Variants in RGS6 observed in about 807,000 individuals in gnomAD.
RGS6 encodes regulator of G-protein signaling 6.
In RGS6, 30 loss-of-function variants were observed where a neutral mutation model predicts 78.5. The ratio of observed to expected loss-of-function variants is 0.38; its 90% CI spans 0.29 to 0.52. The LOEUF (loss-of-function observed/expected upper bound fraction) is 0.52. Ranked by LOEUF, RGS6 falls within the 20% of genes least tolerant of loss-of-function variation. RGS6 has a pLI of 0.85. For synonymous variants in RGS6, 206 were observed against 206.0 expected (o/e 1.00, Z 0.00); for missense variants, 495 against 609.7 (o/e 0.81, Z 1.98).
chr14:72,300,800 G>T lies in RGS6; in HGVS notation c.85-51295G>T, dbSNP rs1014978744. On this transcript the variant is annotated intron_variant, in intron 2 of 17. Coordinates refer to ENST00000553525, the MANE Select transcript of RGS6 (RefSeq NM_001204424.2). ...GTCAAAAGGAGCTGAAGTGTATACC[G>T]TTTCTTTGACTTCTTCTGTGAGTCA... 3.3e-5 allele frequency among the ~76,000 whole-genome samples: 5 copies of T among 152,140 alleles called. No individual in the cohort carries two copies. The East Asian group carries it at 9.6e-4, about 29-fold the overall frequency.
chr14:72,397,720 T>G (rs2091659380), intron 3 of RGS6, among the ~76,000 whole-genome samples: 1 of 152,350 alleles, frequency 6.6e-6, no homozygotes, highest in East Asian at 1.9e-4. Flanking sequence ...TTGAGATACA[T>G]CCCATCAATA....
intron 17 of RGS6, chr14:72,547,376 C>CG: frequency 3.5e-6 from 5 of 1,433,526 alleles, no homozygotes; most frequent in Admixed American, 4.1e-5. Flanking sequence ...AAGTAAGACC[C>CG]CCCCCCGACC....
At chr14:72,095,974 A>C (rs192159010) in intron 2 of RGS6, among the ~76,000 whole-genome samples, 53 of 152,354 alleles carry the variant, frequency 3.5e-4, no homozygotes, top group African/African-American at 1.3e-3. Context: ...GGAACCTTAA[A>C]AATAATGAGG....
intron 14 of RGS6, among the ~76,000 whole-genome samples, chr14:72,515,407 T>C (rs1041125491): frequency 6.6e-6 from 1 of 152,280 alleles, no homozygotes; most frequent in African/African-American, 2.4e-5. Flanking sequence ...GGCTCACGCC[T>C]GTCATCCCAG....
chr14:72,264,841 T>G (rs2058767321), intron 2 of RGS6, among the ~76,000 whole-genome samples: 1 of 152,168 alleles, frequency 6.6e-6, no homozygotes, highest in African/African-American at 2.4e-5. Flanking sequence ...TCACGATATC[T>G]CAGTTATCCC....
chr14:72,596,378 A>C, the RGS6 span, among the ~76,000 whole-genome samples: 2 of 152,128 alleles, frequency 1.3e-5, no homozygotes, highest in African/African-American at 4.8e-5. Context: ...ATCCAGGTTA[A>C]TCTTCCTATC....
At chr14:72,619,152 G>T in the RGS6 span, 3 of 774,490 alleles carry the variant, frequency 3.9e-6, no homozygotes, top group Non-Finnish European at 6.0e-6. Flanking sequence ...CACCCTCTTC[G>T]TTCCATGTGT....
Position 72,395,494 on chromosome 14 carries a change from A to T in RGS6, c.184+43300A>T, listed in dbSNP as rs535546965. Among the ~76,000 whole-genome samples, 3 of 152,242 alleles carry T rather than the reference A, an allele frequency of 2.0e-5. No homozygotes were observed. In the South Asian group the frequency reaches 6.2e-4, roughly 32 times the overall value. On this transcript the variant is annotated intron_variant, in intron 3 of 17. Coordinates refer to ENST00000553525, the MANE Select transcript of RGS6 (RefSeq NM_001204424.2). The stretch of plus-strand genomic sequence containing the variant: ...AATGAAACTAAAGTAACACGAGAGG[A>T]ATTCTGACCCTCATATAATTTTTTT...
At chr14:72,602,319 T>C in the RGS6 span, among the ~76,000 whole-genome samples, 1 of 152,132 alleles carries the variant, frequency 6.6e-6, no homozygotes, top group Non-Finnish European at 1.5e-5. Context: ...GACGAGAGGA[T>C]GGTAGGAGAA....
intron 3 of RGS6, among the ~76,000 whole-genome samples, chr14:72,404,842 C>T (rs1436054262): frequency 6.6e-6 from 1 of 152,104 alleles, no homozygotes; most frequent in Non-Finnish European, 1.5e-5. Flanking sequence ...GAAGTGCTGG[C>T]TTAGGTGGTG....
chr14:71,993,026 G>A (rs980399035), intron 2 of RGS6, among the ~76,000 whole-genome samples: 1 of 152,152 alleles, frequency 6.6e-6, no homozygotes, highest in African/African-American at 2.4e-5. Context: ...GCTACATGAC[G>A]TGTTATGAAC....
At chr14:72,064,722 T>C (rs1162905296) in intron 2 of RGS6, among the ~76,000 whole-genome samples, 1 of 152,214 alleles carries the variant, frequency 6.6e-6, no homozygotes, top group Non-Finnish European at 1.5e-5. Flanking sequence ...TCTTAGTAGG[T>C]ACAACAAAAG....
At chr14:72,092,466 C>T (rs1046334418) in intron 2 of RGS6, among the ~76,000 whole-genome samples, 2 of 152,136 alleles carry the variant, frequency 1.3e-5, no homozygotes, top group Non-Finnish European at 2.9e-5. Context: ...ACTGCAACCT[C>T]CGCCTCCCGG....
chr14:72,587,338 G>T, the RGS6 span, among the ~76,000 whole-genome samples: 1 of 152,056 alleles, frequency 6.6e-6, no homozygotes. Context: ...CCATATATGG[G>T]GAGATCAGAA....
chr14:72,390,544 A>G (rs2089684208), intron 3 of RGS6, among the ~76,000 whole-genome samples: 1 of 152,294 alleles, frequency 6.6e-6, no homozygotes, highest in South Asian at 2.1e-4. Context: ...TTAATTGTAA[A>G]TTTTAATTCT....
chr14:72,135,119 G>A (rs1050693120), intron 2 of RGS6, among the ~76,000 whole-genome samples: 2 of 152,044 alleles, frequency 1.3e-5, no homozygotes, highest in Non-Finnish European at 2.9e-5. Flanking sequence ...TTAATTTTTT[G>A]TCTATAAGTC....
At chr14:72,429,991 C>T (rs2094563347) in intron 3 of RGS6, among the ~76,000 whole-genome samples, 1 of 152,194 alleles carries the variant, frequency 6.6e-6, no homozygotes, top group South Asian at 2.1e-4. Flanking sequence ...TCACCTTCTG[C>T]CACGATTGTA....
chr14:72,551,359 G>A lies in RGS6; in HGVS notation c.1423-11058G>A, dbSNP rs553615296. 3.4e-3 allele frequency among the ~76,000 whole-genome samples: 518 copies of A among 152,230 alleles called. 2 individuals are homozygous for A. Among genetic ancestry groups the A allele is most frequent in the African/African-American group, 0.012 (493 of 41,538 alleles). Reference sequence around the variant, plus strand: ...CTGAGAGGTCCCTGATTGGCTGCTCGTGGCTGACCGTCCCATACCAACCAG... The same window carrying A: ...CTGAGAGGTCCCTGATTGGCTGCTCATGGCTGACCGTCCCATACCAACCAG... On this transcript the variant is annotated intron_variant, in intron 17 of 17. Coordinates refer to ENST00000553525, the MANE Select transcript of RGS6 (RefSeq NM_001204424.2).
chr14:72,236,562 A>G (rs892458541), intron 2 of RGS6, among the ~76,000 whole-genome samples: 2 of 152,154 alleles, frequency 1.3e-5, no homozygotes, highest in Non-Finnish European at 2.9e-5. Flanking sequence ...GTAAACTTTA[A>G]TGTCGAAAAT....
Sources: gnomAD v4.1 joint callset for allele counts (sites outside exome capture counted in the v4.1 genomes callset) on GRCh38, gnomAD v4.1.1 for gene constraint, MANE v1.5 for transcripts, NCBI Gene and HGNC (gene_info 2026-07-23, HGNC 2026-07-21) for gene names.